The following TXNDC16 variants were observed in gnomAD, a reference collection of about 807,000 sequenced individuals.
TXNDC16 encodes the protein thioredoxin domain containing 16.
A neutral mutation model predicts 85.6 loss-of-function variants in TXNDC16; 74 were observed. That is an observed-to-expected ratio of 0.86 (90% CI 0.72 to 1.05). The LOEUF (loss-of-function observed/expected upper bound fraction) is 1.05. TXNDC16 is among the 50% of genes least tolerant of loss of function. TXNDC16 has a pLI of 0.00. For missense variants in TXNDC16, 959 were observed against 947.0 expected, an observed-to-expected ratio of 1.01 and a Z score of -0.17; for synonymous variants, 335 against 326.5, an observed-to-expected ratio of 1.03 and a Z score of -0.28.
At chr14:52,551,676 C>T (rs1351826136) in intron 1 of TXNDC16, among the ~76,000 whole-genome samples, 1 of 151,894 alleles carries the variant, frequency 6.6e-6, no homozygotes, top group African/African-American at 2.4e-5. Context: ...AAAAAGTCAA[C>T]AACTATGTGC....
intron 14 of TXNDC16, among the ~76,000 whole-genome samples, chr14:52,480,975 G>GTGTATGTA (rs1238227587): frequency 7.4e-6 from 1 of 135,002 alleles, no homozygotes; most frequent in African/African-American, 2.8e-5. Flanking sequence ...ATATATATAT[G>GTGTATGTA]TATATATATA....
At chr14:52,536,142 T>C (rs769885141) in intron 6 of TXNDC16, among the ~76,000 whole-genome samples, 14 of 152,166 alleles carry the variant, frequency 9.2e-5, no homozygotes, top group Non-Finnish European at 1.9e-4. Context: ...AGTATGATGA[T>C]ATTAGGAGGT....
intron 16 of TXNDC16, among the ~76,000 whole-genome samples, chr14:52,461,079 A>C (rs1364092436): frequency 6.6e-6 from 1 of 151,390 alleles, no homozygotes; most frequent in East Asian, 2.0e-4. Context: ...AATTTGAAAC[A>C]ATCTTTAAAT....
At chr14:52,444,696 T>C (rs1253744467) in intron 18 of TXNDC16, among the ~76,000 whole-genome samples, 3 of 152,124 alleles carry the variant, frequency 2.0e-5, no homozygotes, top group Non-Finnish European at 4.4e-5. Flanking sequence ...TAGAGACCAA[T>C]TTTTATCCAC....
At position 52,470,500 on chromosome 14, in the gene TXNDC16, C is replaced by T. The variant is rs756959347; in HGVS notation, c.1481+12G>A. 5.7e-5 allele frequency: 92 copies of T among 1,606,534 alleles called. No homozygotes were observed. The highest frequency in any genetic ancestry group is 7.5e-5 in the Non-Finnish European group (88 of 1,177,366). ...AACATTCAGAGATCTTATAATGAAGCTGAATACTTACAGCTGGATAAATTT... is the reference window on the plus strand; with the variant it reads ...AACATTCAGAGATCTTATAATGAAGTTGAATACTTACAGCTGGATAAATTT... On this transcript the variant is annotated intron_variant, in intron 15 of 20. Transcript: ENST00000281741.
At chr14:52,475,337 G>A (rs2035996996) in intron 14 of TXNDC16, among the ~76,000 whole-genome samples, 1 of 152,086 alleles carries the variant, frequency 6.6e-6, no homozygotes, top group African/African-American at 2.4e-5. Context: ...TCGGGGGAGG[G>A]CATGAATCCA....
intron 4 of TXNDC16, among the ~76,000 whole-genome samples, chr14:52,539,651 T>C (rs571481414): frequency 2.0e-5 from 3 of 152,066 alleles, no homozygotes; most frequent in Non-Finnish European, 4.4e-5. Context: ...TGAGAAGAGA[T>C]GGCAGGAAGA....
intron 1 of TXNDC16, among the ~76,000 whole-genome samples, chr14:52,548,387 T>C (rs1235877964): frequency 6.6e-6 from 1 of 152,106 alleles, no homozygotes; most frequent in Non-Finnish European, 1.5e-5. Flanking sequence ...TTCACATGAT[T>C]GCTAACAGGC....
At chr14:52,507,758 C>T (rs542738501) in intron 9 of TXNDC16, among the ~76,000 whole-genome samples, 14 of 152,192 alleles carry the variant, frequency 9.2e-5, no homozygotes, top group African/African-American at 2.9e-4. Flanking sequence ...GAAATAATGC[C>T]GCATATCTAT....
At chr14:52,476,371 G>C (rs2036020498) in intron 14 of TXNDC16, among the ~76,000 whole-genome samples, 1 of 152,066 alleles carries the variant, frequency 6.6e-6, no homozygotes, top group African/African-American at 2.4e-5. Context: ...CAGAAGGTTA[G>C]TTATTAAGCT....
chr14:52,519,141 A>G (rs1278271431), intron 7 of TXNDC16, 31 bp downstream of exon 7: 1 of 1,596,582 alleles, frequency 6.3e-7, no homozygotes, highest in Non-Finnish European at 8.5e-7. Context: ...ACAGAGGCAC[A>G]GCAAAGATTA....
At chr14:52,500,730 ATCT>A (rs2036638052) in intron 9 of TXNDC16, among the ~76,000 whole-genome samples, 1 of 152,234 alleles carries the variant, frequency 6.6e-6, no homozygotes, top group South Asian at 2.1e-4. Context: ...TCATAACAGC[ATCT>A]TTCTAATTTC....
At chr14:52,538,776 G>A in intron 4 of TXNDC16, among the ~76,000 whole-genome samples, 1 of 152,078 alleles carries the variant, frequency 6.6e-6, no homozygotes, top group East Asian at 1.9e-4. Context: ...TCTTAAGAGG[G>A]GGTTTTCCTG....
chr14:52,483,679 A>C (rs1372510356), intron 12 of TXNDC16, among the ~76,000 whole-genome samples: 1 of 152,178 alleles, frequency 6.6e-6, no homozygotes, highest in Non-Finnish European at 1.5e-5. Flanking sequence ...TTATCCAAAA[A>C]GCCTCAAGTT....
At chr14:52,440,046 TTTCTG>T (rs1235631629) in intron 19 of TXNDC16, among the ~76,000 whole-genome samples, 16 of 152,178 alleles carry the variant, frequency 1.1e-4, no homozygotes, top group Admixed American at 3.3e-4. Flanking sequence ...CACTGCCCCA[TTTCTG>T]TTATTTTTCA....
intron 6 of TXNDC16, among the ~76,000 whole-genome samples, chr14:52,532,676 T>C (rs541069994): frequency 6.6e-6 from 1 of 152,078 alleles, no homozygotes; most frequent in African/African-American, 2.4e-5. Context: ...GACCTCGTGA[T>C]CTGCCCACCT....
chr14:52,439,125 T>TTC (rs1300185909), intron 20 of TXNDC16, 79 bp downstream of exon 20: 1 of 1,388,008 alleles, frequency 7.2e-7, no homozygotes, highest in African/African-American at 1.5e-5. Flanking sequence ...CATCCTACCA[T>TTC]TCTTTAGCTA....
chr14:52,484,202 G>GT (rs1199755636), intron 12 of TXNDC16, among the ~76,000 whole-genome samples: 2 of 150,772 alleles, frequency 1.3e-5, no homozygotes, highest in Non-Finnish European at 3.0e-5. Context: ...ACAATAAGGG[G>GT]GGGGGGTGAT....
At chr14:52,500,492 T>C (rs1280283800) in intron 9 of TXNDC16, among the ~76,000 whole-genome samples, 1 of 152,160 alleles carries the variant, frequency 6.6e-6, no homozygotes, top group Non-Finnish European at 1.5e-5. Context: ...TCAATGAGTA[T>C]AGAGTTTCAG....
Sources: gnomAD v4.1 joint callset for allele counts (sites outside exome capture counted in the v4.1 genomes callset) on GRCh38, gnomAD v4.1.1 for gene constraint, MANE v1.5 for transcripts, NCBI Gene and HGNC (gene_info 2026-07-23, HGNC 2026-07-21) for gene names.